Variants in SYNGR1 observed in about 807,000 individuals in gnomAD.
SYNGR1 encodes synaptogyrin 1, also known as synaptogyrin-1.
In SYNGR1, 14 loss-of-function variants were observed where a neutral mutation model predicts 26.1. That is an observed-to-expected ratio of 0.54 (90% confidence interval 0.35 to 0.84). The LOEUF (loss-of-function observed/expected upper bound fraction) is 0.84. Among genes scored for constraint, SYNGR1 ranks in the 40% least tolerant of loss-of-function variants. SYNGR1 has a pLI of 0.01. For missense variants in SYNGR1, 319 were observed against 332.9 expected (o/e 0.96, Z 0.33); for synonymous variants, 141 against 150.1 (o/e 0.94, Z 0.44).
At chr22:39,360,468 A>T (rs1270914960) in intron 1 of SYNGR1, among the ~76,000 whole-genome samples, 2 of 152,104 alleles carry the variant, frequency 1.3e-5, no homozygotes, top group African/African-American at 4.8e-5. Context: ...CACATTGCCA[A>T]TCTCATGGCC....
At chr22:39,357,566 G>A (rs1924203418) in intron 1 of SYNGR1, among the ~76,000 whole-genome samples, 1 of 151,940 alleles carries the variant, frequency 6.6e-6, no homozygotes, top group Non-Finnish European at 1.5e-5. Flanking sequence ...CCGGGGCTGC[G>A]TGCGGCGCTT....
intron 1 of SYNGR1, among the ~76,000 whole-genome samples, chr22:39,357,911 G>A (rs1016333226): frequency 6.6e-6 from 1 of 152,256 alleles, no homozygotes; most frequent in Non-Finnish European, 1.5e-5. Flanking sequence ...TGCGGCCCGA[G>A]CCTCCCCGAT....
intron 1 of SYNGR1, among the ~76,000 whole-genome samples, chr22:39,354,317 A>G (rs539779153): frequency 6.6e-6 from 1 of 152,320 alleles, no homozygotes; most frequent in South Asian, 2.1e-4. Context: ...AAATGACAGA[A>G]TTAAGGCTCA....
chr22:39,353,924 C>T (rs969836821), intron 1 of SYNGR1, among the ~76,000 whole-genome samples: 5 of 152,082 alleles, frequency 3.3e-5, no homozygotes, highest in African/African-American at 9.7e-5. Context: ...AGTGCAGTGG[C>T]GCGATCTTGG....
chr22:39,365,415 T>C (rs2145618201), intron 1 of SYNGR1, among the ~76,000 whole-genome samples: 1 of 152,256 alleles, frequency 6.6e-6, no homozygotes, highest in Non-Finnish European at 1.5e-5. Context: ...TAGAAGCGGC[T>C]CTGAAATGGG....
intron 3 of SYNGR1, 90 bp downstream of exon 3, chr22:39,376,287 C>T: frequency 6.2e-7 from 1 of 1,602,090 alleles, no homozygotes; most frequent in East Asian, 2.2e-5. Flanking sequence ...CTGGGACCCG[C>T]TCTGCCTCTG....
At chr22:39,364,138 T>C in intron 1 of SYNGR1, 1 of 1,610,488 alleles carries the variant, frequency 6.2e-7, no homozygotes, top group South Asian at 1.1e-5. Flanking sequence ...AGTGGGCCTG[T>C]GCCCTTTTGC....
chr22:39,360,483 G>A (rs1040005748), intron 1 of SYNGR1, among the ~76,000 whole-genome samples: 1 of 152,150 alleles, frequency 6.6e-6, no homozygotes, highest in Admixed American at 6.5e-5. Flanking sequence ...ATGGCCAACT[G>A]TCATTGATGG....
At chr22:39,371,129 T>C (rs1449050985) in intron 1 of SYNGR1, among the ~76,000 whole-genome samples, 1 of 152,200 alleles carries the variant, frequency 6.6e-6, no homozygotes, top group Non-Finnish European at 1.5e-5. Context: ...CCTGGAATCA[T>C]TACCCATCCT....
In SYNGR1 at chr22:39,381,972, C is replaced by T. The variant is rs1210036774; in HGVS notation, c.*58C>T. 1.3e-6 allele frequency: 2 copies of T among 1,527,482 alleles called. No individual in the cohort carries two copies. Among genetic ancestry groups the T allele is most frequent in the East Asian group, 4.8e-5 (2 of 41,248 alleles). The allele number at this position is 1,527,482 out of a possible 1,614,324, so 94.6% of individuals were successfully genotyped here. On this transcript the variant is annotated 3_prime_UTR_variant, in exon 4 of 4. Transcript: ENST00000328933. ...ATCTGTCCCCTCTCTCCACACCCAG[C>T]CCCTGCTCCTGCCCAGGCTGCCCTG...
At chr22:39,351,485 C>T (rs1400675390) in intron 1 of SYNGR1, among the ~76,000 whole-genome samples, 2 of 152,244 alleles carry the variant, frequency 1.3e-5, no homozygotes, top group Non-Finnish European at 2.9e-5. Flanking sequence ...GTTTGTGGCT[C>T]TGAATTCATT....
chr22:39,367,880 C>T (rs1924839630), intron 1 of SYNGR1, among the ~76,000 whole-genome samples: 2 of 152,044 alleles, frequency 1.3e-5, no homozygotes, highest in Non-Finnish European at 2.9e-5. Flanking sequence ...GGCCTTGTCC[C>T]GCTGCATGTC....
At chr22:39,374,899 A>T in intron 2 of SYNGR1, 3 of 389,710 alleles carry the variant, frequency 7.7e-6, no homozygotes, top group East Asian at 1.2e-4. Context: ...GGGCAGCCTC[A>T]TGAGGACTAA....
rs572730012 is a variant in SYNGR1, at chr22:39,357,417, C to G, written c.99+7308C>G. The stretch of plus-strand genomic sequence containing the variant: ...CACTTGCTCTCGGCTCCTCCTCTGC[C>G]TGGGCTCCTACTTTGGCGGCATTTG... On this transcript the variant is annotated intron_variant, in intron 1 of 3. Coordinates refer to ENST00000328933, the MANE Select transcript of SYNGR1 (RefSeq NM_004711.5). Among the ~76,000 whole-genome samples, 493 of 152,358 alleles carry G rather than the reference C, an allele frequency of 3.2e-3. 1 individual carries two copies. The highest frequency in any genetic ancestry group is 5.0e-3 in the Non-Finnish European group (341 of 68,016).
In SYNGR1 at chr22:39,365,175, C is replaced by T. The variant is rs116372329; in HGVS notation, c.100-9141C>T. On this transcript the variant is annotated intron_variant, in intron 1 of 3. Coordinates refer to ENST00000328933, the MANE Select transcript of SYNGR1 (RefSeq NM_004711.5). ...GATCCGCTTGTTGGATGAATTTTCC[C>T]CAGTGTCTCGGCTGCTGTGGCCAGT... is the stretch of plus-strand genomic sequence containing the variant. Among the ~76,000 whole-genome samples the T allele has an allele frequency of 7.6e-3, 1,158 of 152,266 alleles. 22 individuals are homozygous for T. The highest frequency in any genetic ancestry group is 0.026 in the African/African-American group (1,099 of 41,556).
intron 1 of SYNGR1, 76 bp from the exon 2 acceptor site, chr22:39,374,240 T>G (rs1601663869): frequency 7.1e-7 from 1 of 1,404,382 alleles, no homozygotes. Flanking sequence ...CAGGCGAGGG[T>G]GGCAGCCTCC....
chr22:39,365,264 C>T (rs58803324), intron 1 of SYNGR1, among the ~76,000 whole-genome samples: 3,093 of 152,230 alleles, frequency 0.02, 100 homozygotes, highest in African/African-American at 0.071. Flanking sequence ...CTCTGTGTGC[C>T]CCTTGCTGTC....
chr22:39,372,821 C>T (rs907771958), intron 1 of SYNGR1, among the ~76,000 whole-genome samples: 3 of 152,064 alleles, frequency 2.0e-5, no homozygotes, highest in African/African-American at 7.2e-5. Context: ...GATTCAATTA[C>T]TTGTGGGTGT....
At chr22:39,361,441 C>T (rs1924468192) in intron 1 of SYNGR1, among the ~76,000 whole-genome samples, 1 of 150,844 alleles carries the variant, frequency 6.6e-6, no homozygotes, top group South Asian at 2.1e-4. Context: ...TCACTGCAAC[C>T]TCCACAATCG....
Sources: allele counts gnomAD v4.1 joint callset (sites outside exome capture counted in the v4.1 genomes callset), GRCh38; gene constraint gnomAD v4.1.1; transcripts MANE v1.5; gene names NCBI Gene and HGNC (gene_info 2026-07-23, HGNC 2026-07-21).